Variants in NBAS observed in about 807,000 individuals in gnomAD.
NBAS encodes NBAS subunit of NRZ tethering complex, also known as NAG/BC035112 fusion.
In NBAS, 219 loss-of-function variants were observed where a neutral mutation model predicts 302.5. The ratio of observed to expected loss-of-function variants is 0.72; its 90% CI spans 0.65 to 0.81. The LOEUF is 0.81. Ranked by LOEUF, NBAS falls within the 30% of genes least tolerant of loss-of-function variation. The pLI is 0.00. For synonymous variants in NBAS, 1,118 were observed against 1,021.6 expected (o/e 1.09, Z -1.80); for missense variants, 2,932 against 2,841.6 (o/e 1.03, Z -0.72).
chr2:14,930,319 C>T, the NBAS span, among the ~76,000 whole-genome samples: 176 of 152,252 alleles, frequency 1.2e-3, 1 homozygote, highest in African/African-American at 3.9e-3. Flanking sequence ...TATACTCAGC[C>T]GCACTGTGTT....
chr2:15,080,222 C>T, the NBAS span, among the ~76,000 whole-genome samples: 3 of 152,160 alleles, frequency 2.0e-5, no homozygotes, highest in Admixed American at 6.5e-5. Context: ...GTCCTTTCTC[C>T]TCCAGAACTC....
intron 44 of NBAS, among the ~76,000 whole-genome samples, chr2:15,253,895 C>T (rs1668468763): frequency 1.3e-5 from 2 of 152,238 alleles, no homozygotes; most frequent in African/African-American, 2.4e-5. Context: ...TTGCCTTTAG[C>T]CTTCAAGCTG....
At chr2:15,059,114 C>A in the NBAS span, among the ~76,000 whole-genome samples, 1 of 152,132 alleles carries the variant, frequency 6.6e-6, no homozygotes, top group African/African-American at 2.4e-5. Flanking sequence ...CAAAATCTGT[C>A]CCCAGACTGA....
At chr2:15,272,468 A>ACT (rs374522254) in intron 44 of NBAS, among the ~76,000 whole-genome samples, 7 of 151,156 alleles carry the variant, frequency 4.6e-5, no homozygotes, top group South Asian at 4.2e-4. Context: ...TGATTTTTAT[A>ACT]CTCTCTCTCT....
At chr2:15,307,962 A>G (rs1671103022) in intron 40 of NBAS, among the ~76,000 whole-genome samples, 1 of 152,204 alleles carries the variant, frequency 6.6e-6, no homozygotes, top group Non-Finnish European at 1.5e-5. Flanking sequence ...AGAACTTAGT[A>G]AAATTAAGTA....
chr2:15,449,359 C>T (rs560673526), intron 21 of NBAS, among the ~76,000 whole-genome samples: 1 of 152,208 alleles, frequency 6.6e-6, no homozygotes, highest in East Asian at 1.9e-4. Flanking sequence ...ATATGTGAAA[C>T]ATAAAGCTGG....
intron 21 of NBAS, among the ~76,000 whole-genome samples, chr2:15,447,565 C>T (rs1188404376): frequency 6.6e-6 from 1 of 152,112 alleles, no homozygotes; most frequent in African/African-American, 2.4e-5. Context: ...TAATCATGTT[C>T]ACTTGGTGAA....
At chr2:15,322,638 T>C (rs1671865587) in intron 38 of NBAS, among the ~76,000 whole-genome samples, 2 of 152,168 alleles carry the variant, frequency 1.3e-5, no homozygotes, top group South Asian at 4.1e-4. Context: ...TCATCAACTT[T>C]ATTAAAAAGT....
At chr2:15,294,407 G>A (rs1042978509) in intron 40 of NBAS, among the ~76,000 whole-genome samples, 9 of 152,164 alleles carry the variant, frequency 5.9e-5, no homozygotes, top group Admixed American at 2.0e-4. Context: ...GAGTGATTTG[G>A]GAACCAGCTG....
intron 25 of NBAS, among the ~76,000 whole-genome samples, chr2:15,412,300 G>A (rs1435296599): frequency 6.6e-6 from 1 of 152,146 alleles, no homozygotes; most frequent in African/African-American, 2.4e-5. Flanking sequence ...TTGGACTGAA[G>A]TTTTGTGAGC....
the NBAS span, chr2:14,907,649 T>C: frequency 6.6e-6 from 1 of 152,282 alleles, no homozygotes; most frequent in Non-Finnish European, 1.5e-5. Flanking sequence ...CCCTCCACCG[T>C]GGCCAAAATT....
the NBAS span, among the ~76,000 whole-genome samples, chr2:14,862,163 G>C: frequency 1.3e-5 from 2 of 151,156 alleles, no homozygotes; most frequent in Admixed American, 1.3e-4. Flanking sequence ...TTTTGAGATG[G>C]AGTCTTGCTG....
the NBAS span, among the ~76,000 whole-genome samples, chr2:15,144,019 C>T: frequency 8.9e-6 from 1 of 112,220 alleles, no homozygotes; most frequent in African/African-American, 3.8e-5. Flanking sequence ...TGAGTTAATA[C>T]TATATATATA....
chr2:15,282,158 C>T (rs1558500410), intron 42 of NBAS, among the ~76,000 whole-genome samples: 1 of 152,134 alleles, frequency 6.6e-6, no homozygotes, highest in Non-Finnish European at 1.5e-5. Flanking sequence ...AATGTCATGA[C>T]ATACTTTTGA....
At chr2:15,203,890 T>TTGTGTG (rs143962413) in intron 48 of NBAS, among the ~76,000 whole-genome samples, 12,992 of 129,346 alleles carry the variant, frequency 0.1, 663 homozygotes, top group East Asian at 0.13. Context: ...GTGTGTGTGC[T>TTGTGTG]TGTGTGTGTG....
At chr2:15,264,356 T>C (rs1307574200) in intron 44 of NBAS, among the ~76,000 whole-genome samples, 3 of 152,208 alleles carry the variant, frequency 2.0e-5, no homozygotes, top group Non-Finnish European at 4.4e-5. Context: ...GTGTATTCCT[T>C]CCAGCTTATT....
intron 35 of NBAS, 113 bp downstream of exon 35, chr2:15,351,879 C>A: frequency 6.9e-6 from 1 of 144,488 alleles, no homozygotes; most frequent in Non-Finnish European, 2.1e-5. Context: ...TGCACACACA[C>A]ACACACACAC....
intron 9 of NBAS, among the ~76,000 whole-genome samples, chr2:15,533,500 G>T (rs933830918): frequency 6.6e-6 from 1 of 152,182 alleles, no homozygotes; most frequent in Non-Finnish European, 1.5e-5. Flanking sequence ...AGTGAGACTT[G>T]TATGTCTTCT....
intron 28 of NBAS, among the ~76,000 whole-genome samples, chr2:15,384,594 T>A (rs2148386728): frequency 6.6e-6 from 1 of 150,806 alleles, no homozygotes; most frequent in East Asian, 2.1e-4. Context: ...CAAATACATC[T>A]TGTTTTTTTA....
Sources: gnomAD v4.1 joint callset for allele counts (sites outside exome capture counted in the v4.1 genomes callset) on GRCh38, gnomAD v4.1.1 for gene constraint, MANE v1.5 for transcripts, NCBI Gene and HGNC (gene_info 2026-07-23, HGNC 2026-07-21) for gene names.